Variants in ADAMTS6 observed in about 807,000 individuals in gnomAD.
ADAMTS6 encodes ADAM metallopeptidase with thrombospondin type 1 motif 6.
In ADAMTS6, 23 loss-of-function variants were observed where a neutral mutation model predicts 144.3. The observed-to-expected ratio is 0.16, with a 90% confidence interval of 0.11 to 0.23. ADAMTS6 has a LOEUF of 0.23. Ranked by LOEUF, ADAMTS6 falls within the 10% of genes least tolerant of loss-of-function variation. The pLI, the probability that ADAMTS6 is intolerant of heterozygous loss-of-function variation, is 1.00. For synonymous variants in ADAMTS6, 444 were observed against 457.5 expected, an observed-to-expected ratio of 0.97 and a Z score of 0.38; for missense variants, 999 against 1,379.6, an observed-to-expected ratio of 0.72 and a Z score of 4.37.
chr5:65,170,037 TAAAAAC>T (rs895581244), intron 24 of ADAMTS6, among the ~76,000 whole-genome samples: 46 of 152,090 alleles, frequency 3.0e-4, no homozygotes, highest in African/African-American at 8.7e-4. Flanking sequence ...AAAGTATAAT[TAAAAAC>T]AAAAACAAAA....
chr5:65,240,190 G>T (rs956685433), intron 15 of ADAMTS6, among the ~76,000 whole-genome samples: 6 of 151,090 alleles, frequency 4.0e-5, no homozygotes, highest in African/African-American at 1.5e-4. Flanking sequence ...TTTTTTAAGA[G>T]AACTCCTAGA....
chr5:65,151,783 T>C lies in ADAMTS6; in HGVS notation c.*53A>G. ...TCTTCCTCTGGGTGGCTCTCTTTGA[T>C]GGATGCATTTCCATGATGAAATGAC... is the stretch of plus-strand genomic sequence containing the variant. On this transcript the variant is annotated 3_prime_UTR_variant, in exon 25 of 25. Transcript: ENST00000381055. 3.3e-6 allele frequency: 5 copies of C among 1,494,996 alleles called. No individual in the cohort carries two copies. Among genetic ancestry groups the C allele is most frequent in the Non-Finnish European group, 4.6e-6 (5 of 1,076,366 alleles). The allele number at this position is 1,494,996 out of a possible 1,614,324, so 92.6% of individuals were successfully genotyped here.
chr5:65,424,504 C>A (rs1206927167), intron 7 of ADAMTS6, among the ~76,000 whole-genome samples: 2 of 152,136 alleles, frequency 1.3e-5, no homozygotes, highest in Non-Finnish European at 2.9e-5. Context: ...CATCAAGACT[C>A]TTGGAAGTAA....
At chr5:65,417,669 A>G (rs1216839187) in intron 7 of ADAMTS6, among the ~76,000 whole-genome samples, 1 of 152,202 alleles carries the variant, frequency 6.6e-6, no homozygotes, top group African/African-American at 2.4e-5. Context: ...GAATACATCT[A>G]AACAAGGAGG....
Position 65,232,916 on chromosome 5 carries a change from A to C in ADAMTS6, c.1934-6697T>G, listed in dbSNP as rs562513901. ...ACAGAAAAGAAAATTATAAGCCAATATCCCTGATGAACATGGATGCAAAAG... is the reference window on the plus strand; with the variant it reads ...ACAGAAAAGAAAATTATAAGCCAATCTCCCTGATGAACATGGATGCAAAAG... On this transcript the variant is annotated intron_variant, in intron 15 of 24. Coordinates refer to ENST00000381055, the MANE Select transcript of ADAMTS6 (RefSeq NM_197941.4). 9.2e-5 allele frequency among the ~76,000 whole-genome samples: 14 copies of C among 152,292 alleles called. No homozygotes were observed. The South Asian group carries it at 2.9e-3, about 32-fold the overall frequency.
intron 15 of ADAMTS6, among the ~76,000 whole-genome samples, chr5:65,234,122 C>G (rs1758481488): frequency 6.7e-6 from 1 of 149,406 alleles, no homozygotes; most frequent in Admixed American, 6.7e-5. Flanking sequence ...AAATTGGATA[C>G]TTATACCATA....
intron 24 of ADAMTS6, among the ~76,000 whole-genome samples, chr5:65,164,215 C>T (rs1752988194): frequency 6.6e-6 from 1 of 151,838 alleles, no homozygotes; most frequent in Admixed American, 6.6e-5. Context: ...ATTGCCTCAC[C>T]TGGGAAGCGC....
intron 7 of ADAMTS6, among the ~76,000 whole-genome samples, chr5:65,335,977 G>C (rs899972411): frequency 1.2e-4 from 18 of 152,064 alleles, no homozygotes; most frequent in African/African-American, 3.9e-4. Flanking sequence ...TCCAAGAAAA[G>C]AATAGAGTAT....
intron 9 of ADAMTS6, among the ~76,000 whole-genome samples, chr5:65,316,782 T>C (rs1745043250): frequency 6.6e-6 from 1 of 151,604 alleles, no homozygotes; most frequent in Non-Finnish European, 1.5e-5. Flanking sequence ...ATAAAGAGGT[T>C]GATTCATCAA....
intron 7 of ADAMTS6, among the ~76,000 whole-genome samples, chr5:65,371,238 T>A (rs924478804): frequency 1.3e-5 from 2 of 152,226 alleles, no homozygotes; most frequent in African/African-American, 4.8e-5. Flanking sequence ...AGGAATGCAG[T>A]TCCTCACCAG....
rs1224041149 is a variant in ADAMTS6, at chr5:65,214,277, C to A, written c.2575+517G>T. The A allele has an allele frequency of 1.4e-5, 4 of 278,524 alleles. No homozygotes were observed. The highest frequency in any genetic ancestry group is 2.9e-5 in the Non-Finnish European group (4 of 138,940). The allele number at this position is 278,524 out of a possible 1,614,324, so 17.3% of individuals were successfully genotyped here. ...GTCAGTATACACCATTAACCCAGAA[C>A]CCAGATACCAGTAATTATTGTAGCA... On this transcript the variant is annotated intron_variant, in intron 20 of 24. Coordinates refer to ENST00000381055, the MANE Select transcript of ADAMTS6 (RefSeq NM_197941.4). The surrounding 1 kb of genome is among the most constrained non-coding windows in gnomAD (Gnocchi z 4.6).
At chr5:65,256,985 C>CTCT (rs765554792) in intron 14 of ADAMTS6, among the ~76,000 whole-genome samples, 40 of 88,676 alleles carry the variant, frequency 4.5e-4, no homozygotes, top group East Asian at 1.3e-3. Context: ...CTCTCTCTCT[C>CTCT]TTTTTTTTTT....
At chr5:65,215,240 A>G in intron 19 of ADAMTS6, 84 bp downstream of exon 19, 1 of 1,426,202 alleles carries the variant, frequency 7.0e-7, no homozygotes, top group Non-Finnish European at 9.6e-7. Flanking sequence ...TCACCTGTAA[A>G]GCAGAGATAA....
At chr5:65,254,290 C>T (rs1760467180) in intron 14 of ADAMTS6, among the ~76,000 whole-genome samples, 1 of 152,066 alleles carries the variant, frequency 6.6e-6, no homozygotes, top group Non-Finnish European at 1.5e-5. Context: ...TGAAAAATCT[C>T]TTTCCGCAAA....
chr5:65,261,574 A>G (rs549269034), intron 13 of ADAMTS6, among the ~76,000 whole-genome samples: 4 of 152,324 alleles, frequency 2.6e-5, no homozygotes, highest in Admixed American at 2.6e-4. Context: ...ACTGGTATCA[A>G]TGGGATCATT....
chr5:65,289,458 G>A (rs114761884), intron 11 of ADAMTS6, among the ~76,000 whole-genome samples: 2,375 of 152,250 alleles, frequency 0.016, 58 homozygotes, highest in African/African-American at 0.055. Context: ...CCTAGGAGGT[G>A]GAGGTTGTAG....
At chr5:65,230,681 TATATATAACAC>T (rs1758138808) in intron 15 of ADAMTS6, among the ~76,000 whole-genome samples, 1 of 103,568 alleles carries the variant, frequency 9.7e-6, no homozygotes, top group African/African-American at 4.0e-5. Flanking sequence ...ATGTATGAAA[TATATATAACAC>T]ATATGTATGA....
chr5:65,345,791 G>T (rs1397390627), intron 7 of ADAMTS6, among the ~76,000 whole-genome samples: 2 of 151,518 alleles, frequency 1.3e-5, no homozygotes, highest in East Asian at 3.8e-4. Context: ...AGCTGTATTT[G>T]TCCTTTCAGT....
intron 20 of ADAMTS6, chr5:65,210,695 TG>T: frequency 1.6e-6 from 1 of 642,360 alleles, no homozygotes. Flanking sequence ...TAATTTAATG[TG>T]GAAGTACACC....
Sources: allele counts gnomAD v4.1 joint callset (sites outside exome capture counted in the v4.1 genomes callset), GRCh38; gene constraint gnomAD v4.1.1; non-coding constraint Gnocchi (gnomAD v3.1); transcripts MANE v1.5; gene names NCBI Gene and HGNC (gene_info 2026-07-23, HGNC 2026-07-21).